KSR2: variants seen among roughly 807,000 people sequenced by gnomAD.
The protein encoded by KSR2 is kinase suppressor of ras 2.
In KSR2, 25 loss-of-function variants were observed where a neutral mutation model predicts 107.8. The ratio of observed to expected loss-of-function variants is 0.23; its 90% CI spans 0.17 to 0.32. The LOEUF is 0.32. KSR2 is among the 10% of genes least tolerant of loss of function. The probability of loss-of-function intolerance (pLI) is 1.00; values close to 1 mark genes in which losing one functional copy is unlikely to be tolerated. For missense variants in KSR2, 887 were observed against 1,268.9 expected (o/e 0.70, Z 4.57); for synonymous variants, 480 against 507.0 (o/e 0.95, Z 0.71).
At chr12:117,494,019 G>A (rs1285697376) in intron 14 of KSR2, among the ~76,000 whole-genome samples, 1 of 152,140 alleles carries the variant, frequency 6.6e-6, no homozygotes, top group Non-Finnish European at 1.5e-5. Context: ...GTAGGTCTTT[G>A]TCAGCAGCGT....
intron 5 of KSR2, among the ~76,000 whole-genome samples, chr12:117,585,302 C>T (rs1056430504): frequency 1.3e-5 from 2 of 152,156 alleles, no homozygotes; most frequent in African/African-American, 4.8e-5. Flanking sequence ...TGAGGCTCAA[C>T]TCAGCAGAGA....
intron 3 of KSR2, among the ~76,000 whole-genome samples, chr12:117,814,846 C>A (rs952907551): frequency 2.0e-5 from 3 of 152,112 alleles, no homozygotes; most frequent in Admixed American, 6.6e-5. Flanking sequence ...CTAGCTCAGA[C>A]CAGCTGAATA....
intron 3 of KSR2, among the ~76,000 whole-genome samples, chr12:117,844,418 C>A (rs1159821768): frequency 6.6e-6 from 1 of 151,096 alleles, no homozygotes. Flanking sequence ...ACTGAGTTTG[C>A]AGGATAACAG....
chr12:117,964,309 T>C (rs1180622947), intron 1 of KSR2, among the ~76,000 whole-genome samples: 4 of 152,180 alleles, frequency 2.6e-5, no homozygotes. Context: ...AGGTAGCATA[T>C]TAAAGGCTCT....
rs1453108201 is a variant in KSR2 at position 117,762,751 on chromosome 12, C to T, written c.473-1227G>A. The stretch of plus-strand genomic sequence containing the variant: ...GTGTGGTGGCGTGTGCCTGTAATCC[C>T]AGCTACTCAGAAGGCTGAGGCAATA... On this transcript the variant is annotated intron_variant, in intron 3 of 19. Transcript: ENST00000339824. 3.3e-5 allele frequency among the ~76,000 whole-genome samples: 5 copies of T among 151,904 alleles called. No homozygotes were observed. The South Asian group carries it at 8.4e-4, about 25-fold the overall frequency.
chr12:117,727,938 T>C (rs1360137447), intron 4 of KSR2, among the ~76,000 whole-genome samples: 1 of 152,090 alleles, frequency 6.6e-6, no homozygotes, highest in Non-Finnish European at 1.5e-5. Flanking sequence ...AAACAACATG[T>C]TGAGTGAAAG....
At chr12:117,868,858 C>T (rs1893560447) in intron 1 of KSR2, among the ~76,000 whole-genome samples, 1 of 151,930 alleles carries the variant, frequency 6.6e-6, no homozygotes, top group South Asian at 2.1e-4. Flanking sequence ...TCAAGCGAGT[C>T]TCCTGCCTCA....
intron 3 of KSR2, among the ~76,000 whole-genome samples, chr12:117,795,122 G>A (rs748838424): frequency 6.6e-6 from 1 of 152,058 alleles, no homozygotes; most frequent in Non-Finnish European, 1.5e-5. Flanking sequence ...TGACTTGCAC[G>A]GCAAAGGACA....
At chr12:117,490,899 G>A (rs1240654264) in intron 14 of KSR2, among the ~76,000 whole-genome samples, 1 of 152,152 alleles carries the variant, frequency 6.6e-6, no homozygotes, top group African/African-American at 2.4e-5. Flanking sequence ...TCAAGCTATT[G>A]TATTTATCTC....
intron 1 of KSR2, among the ~76,000 whole-genome samples, chr12:117,926,339 G>T (rs971797036): frequency 2.0e-5 from 3 of 152,200 alleles, no homozygotes; most frequent in Admixed American, 1.3e-4. Flanking sequence ...TCCTGATAAC[G>T]TGTTCACAGG....
chr12:117,578,601 C>CAAAAAA (rs66919524), intron 7 of KSR2, among the ~76,000 whole-genome samples: 6 of 103,982 alleles, frequency 5.8e-5, no homozygotes, highest in Non-Finnish European at 1.3e-4. Context: ...GACTCCATCT[C>CAAAAAA]AAAAAAAAAA....
At chr12:117,910,206 G>A (rs1894972231) in intron 1 of KSR2, among the ~76,000 whole-genome samples, 1 of 152,138 alleles carries the variant, frequency 6.6e-6, no homozygotes, top group African/African-American at 2.4e-5. Flanking sequence ...ACTCCAGTCT[G>A]GGTGACAGAG....
Position 117,906,142 on chromosome 12 carries a change from G to A in KSR2, c.181-45711C>T, listed in dbSNP as rs146816067. ...GAGGCGGGCAGATCACCAGAGGTCA[G>A]GAGTTCGAGCCCAGCCTGGCTGACA... On this transcript the variant is annotated intron_variant, in intron 1 of 19. Coordinates refer to ENST00000339824, the MANE Select transcript of KSR2 (RefSeq NM_173598.6). Among the ~76,000 whole-genome samples, 1,491 of 152,192 alleles carry A rather than the reference G, an allele frequency of 9.8e-3. 23 individuals are homozygous for A. Among genetic ancestry groups the A allele is most frequent in the African/African-American group, 0.034 (1,419 of 41,514 alleles).
intron 6 of KSR2, 57 bp downstream of exon 6, chr12:117,582,233 C>A: frequency 1.4e-6 from 2 of 1,479,728 alleles, no homozygotes; most frequent in East Asian, 4.5e-5. Context: ...GGGCCAGAGC[C>A]CCCACCCCTC....
chr12:117,545,273 T>C (rs1876773558), intron 9 of KSR2, among the ~76,000 whole-genome samples: 1 of 152,206 alleles, frequency 6.6e-6, no homozygotes, highest in Admixed American at 6.5e-5. Context: ...TTTTCCTTTT[T>C]TGTACTCTGG....
intron 3 of KSR2, among the ~76,000 whole-genome samples, chr12:117,788,088 G>C (rs1890139220): frequency 1.3e-5 from 2 of 152,342 alleles, no homozygotes; most frequent in Middle Eastern, 6.8e-3. Context: ...GCTGCTGTCA[G>C]GCAGAAGGTG....
intron 4 of KSR2, among the ~76,000 whole-genome samples, chr12:117,750,265 A>G (rs904764889): frequency 2.6e-5 from 4 of 151,244 alleles, no homozygotes; most frequent in Non-Finnish European, 4.4e-5. Flanking sequence ...AAAAAAAAAA[A>G]AAAAGAAGAA....
At position 117,897,570 on chromosome 12, in the gene KSR2, C is replaced by T. The variant is rs574277073; in HGVS notation, c.181-37139G>A. On this transcript the variant is annotated intron_variant, in intron 1 of 19. Transcript: ENST00000339824. This position sits in a 1 kb window ranked among gnomAD's most constrained non-coding sequence, Gnocchi z 4.5. The stretch of plus-strand genomic sequence containing the variant: ...TCCCCATTAGCTGGCTGAACAGACA[C>T]GTCTTTGAGGTAACAATGGCCTTCT... 5.5e-4 allele frequency among the ~76,000 whole-genome samples: 83 copies of T among 152,088 alleles called. No individual in the cohort carries two copies. The highest frequency in any genetic ancestry group is 1.1e-3 in the Non-Finnish European group (73 of 68,028).
chr12:117,759,555 G>A (rs1335483684), intron 4 of KSR2, among the ~76,000 whole-genome samples: 1 of 152,090 alleles, frequency 6.6e-6, no homozygotes, highest in African/African-American at 2.4e-5. Context: ...CATTTGCATT[G>A]TTGTACAACC....
Sources: gnomAD v4.1 joint callset for allele counts (sites outside exome capture counted in the v4.1 genomes callset) on GRCh38, gnomAD v4.1.1 for gene constraint, Gnocchi (gnomAD v3.1) non-coding constraint, MANE v1.5 for transcripts, NCBI Gene and HGNC (gene_info 2026-07-23, HGNC 2026-07-21) for gene names.